The following CEMIP variants were observed in gnomAD, a reference collection of about 807,000 sequenced individuals.
CEMIP encodes cell migration inducing hyaluronidase 1, also known as cell migration-inducing and hyaluronan-binding protein.
Under a neutral mutation model 156.9 loss-of-function variants are expected in CEMIP, and 105 were observed. The ratio of observed to expected loss-of-function variants is 0.67; its 90% CI spans 0.57 to 0.79. The LOEUF is 0.79. Ranked by LOEUF, CEMIP falls within the 30% of genes least tolerant of loss-of-function variation. The pLI, the probability that CEMIP is intolerant of heterozygous loss-of-function variation, is 0.00. For synonymous variants in CEMIP, 676 were observed against 668.4 expected, an observed-to-expected ratio of 1.01 and a Z score of -0.17; for missense variants, 1,457 against 1,769.4, an observed-to-expected ratio of 0.82 and a Z score of 3.17.
At chr15:80,899,084 G>T (rs1296851929) in intron 12 of CEMIP, among the ~76,000 whole-genome samples, 2 of 151,916 alleles carry the variant, frequency 1.3e-5, no homozygotes, top group Non-Finnish European at 2.9e-5. Flanking sequence ...GTAGTGGCGC[G>T]TGCCTGTAAT....
At chr15:80,919,158 T>C (rs537430204) in intron 14 of CEMIP, among the ~76,000 whole-genome samples, 55 of 152,292 alleles carry the variant, frequency 3.6e-4, no homozygotes, top group African/African-American at 1.3e-3. Flanking sequence ...AACCCAGGCG[T>C]TGCAAATGTG....
intron 5 of CEMIP, 71 bp downstream of exon 5, chr15:80,879,925 G>C: frequency 6.3e-7 from 1 of 1,586,398 alleles, no homozygotes; most frequent in Non-Finnish European, 8.6e-7. Context: ...CCAAGACAGA[G>C]AGAGAGGCAA....
intron 1 of CEMIP, among the ~76,000 whole-genome samples, chr15:80,857,277 C>A (rs1475920773): frequency 6.6e-6 from 1 of 152,244 alleles, no homozygotes; most frequent in African/African-American, 2.4e-5. Flanking sequence ...GACATTCCAG[C>A]CTGGCTTCCA....
intron 1 of CEMIP, among the ~76,000 whole-genome samples, chr15:80,801,065 C>A (rs755099036): frequency 6.6e-6 from 1 of 152,250 alleles, no homozygotes; most frequent in Non-Finnish European, 1.5e-5. Flanking sequence ...ATGCTGCTTT[C>A]TCTGCTCAAT....
chr15:80,900,626 G>GTC lies in CEMIP; in HGVS notation c.1411+4567_1411+4568insCT, dbSNP rs1567090849. 7.2e-4 allele frequency among the ~76,000 whole-genome samples: 94 copies of GTC among 130,052 alleles called. 1 individual carries two copies. Among genetic ancestry groups the GTC allele is most frequent in the Non-Finnish European group, 1.1e-3 (64 of 57,334 alleles). The allele number at this position is 130,052 out of a possible 152,430, so 85.3% of individuals were successfully genotyped here. A position where few individuals can be genotyped will look rare whatever the true frequency, so the allele number is the denominator to read the frequency against. ...TGTGTGTGTGTGTGTGTGTGTGTGT[G>GTC]TGTGTGTGTGTGTGTGTGTGTGTCT... On this transcript the variant is annotated intron_variant, in intron 12 of 29. Transcript: ENST00000394685.
In CEMIP at chr15:80,873,941, C is replaced by A; in HGVS notation, c.62C>A (p.Thr21Asn). The change falls in exon 3 of 30, where the codon ACT (threonine) becomes AAT (asparagine). Residue 21 changes from threonine (T) to asparagine (N), a missense_variant. By Grantham distance (65) the Thr-to-Asn change is moderately conservative. Transcript: ENST00000394685. Reference protein sequence around the residue: ...FKAMLTISWLTLTCFPGATST... With the variant: ...FKAMLTISWLNLTCFPGATST... ...GCCATGCTGACCATCAGCTGGCTCA[C>A]TCTGACCTGCTTCCCTGGGGCCACA... 2.5e-6 allele frequency: 4 copies of A among 1,573,954 alleles called. No homozygotes were observed. The highest frequency in any genetic ancestry group is 3.5e-6 in the Non-Finnish European group (4 of 1,157,802).
At chr15:80,867,862 G>A (rs184065205) in intron 1 of CEMIP, among the ~76,000 whole-genome samples, 17 of 152,292 alleles carry the variant, frequency 1.1e-4, no homozygotes, top group African/African-American at 3.4e-4. Context: ...AGATGGAGGC[G>A]GTGGGGCAGG....
At chr15:80,855,542 A>G (rs1044579109) in intron 1 of CEMIP, among the ~76,000 whole-genome samples, 1 of 149,204 alleles carries the variant, frequency 6.7e-6, no homozygotes, top group Non-Finnish European at 1.5e-5. Context: ...ATGGAATCTC[A>G]CTGTTCCCAG....
At chr15:80,942,817 T>C in intron 27 of CEMIP, 128 bp from the exon 28 acceptor site, 8 of 1,078,140 alleles carry the variant, frequency 7.4e-6, no homozygotes, top group South Asian at 3.8e-5. Flanking sequence ...AAGTGGATAA[T>C]GGAGTTTACG....
intron 1 of CEMIP, among the ~76,000 whole-genome samples, chr15:80,814,604 C>A (rs993631316): frequency 6.6e-6 from 1 of 152,208 alleles, no homozygotes; most frequent in African/African-American, 2.4e-5. Context: ...CAGGGCAGAA[C>A]CTGTGGGTGC....
intron 1 of CEMIP, among the ~76,000 whole-genome samples, chr15:80,813,605 C>A (rs1896721349): frequency 6.6e-6 from 1 of 151,974 alleles, no homozygotes; most frequent in Non-Finnish European, 1.5e-5. Flanking sequence ...GTTGGCCTCC[C>A]AAAATGCTGG....
chr15:80,832,322 C>CTGTGTGTGTGTG (rs58855328), intron 1 of CEMIP, among the ~76,000 whole-genome samples: 8,524 of 127,854 alleles, frequency 0.067, 596 homozygotes, highest in African/African-American at 0.13. Context: ...AAAATAAACT[C>CTGTGTGTGTGTG]TGTGTGTGTG....
chr15:80,936,622 A>G, intron 23 of CEMIP, 52 bp from the exon 24 acceptor site: 1 of 1,493,798 alleles, frequency 6.7e-7, no homozygotes, highest in Non-Finnish European at 9.3e-7. Context: ...ACGCTCTTGG[A>G]ATAATCCTTC....
At chr15:80,848,926 A>ACACACACACACACC (rs374603705) in intron 1 of CEMIP, among the ~76,000 whole-genome samples, 43 of 131,158 alleles carry the variant, frequency 3.3e-4, no homozygotes, top group African/African-American at 1.2e-3. Flanking sequence ...ACACACACAC[A>ACACACACACACACC]CCCTGGCTTC....
At chr15:80,797,273 A>G (rs1346754011) in intron 1 of CEMIP, among the ~76,000 whole-genome samples, 1 of 152,202 alleles carries the variant, frequency 6.6e-6, no homozygotes, top group Non-Finnish European at 1.5e-5. Flanking sequence ...ATCTGGGATC[A>G]TGATATCTTT....
chr15:80,920,264 C>A lies in CEMIP; in HGVS notation c.1968C>A (p.Tyr656Ter). 6.2e-7 allele frequency: 1 copy of A among 1,614,178 alleles called. No homozygotes were observed. The highest frequency in any genetic ancestry group is 8.5e-7 in the Non-Finnish European group (1 of 1,180,026). ...GCAAGATGATCACAGAGGACTCCTA[C>A]CCGGGGTACATCCCCAAGCCCAGGC... Reference protein sequence around the residue: ...KMCKMITEDSYPGYIPKPRQD... With the variant: ...KMCKMITEDS The change falls in exon 15 of 30, where the codon TAC becomes TAA. Residue 656 changes from tyrosine (Y) to a stop codon, truncating the protein, a stop_gained. Coordinates refer to ENST00000394685, the MANE Select transcript of CEMIP (RefSeq NM_001293298.2). LOFTEE classifies it high-confidence loss of function.
chr15:80,938,535 G>A (rs1901222683), intron 25 of CEMIP, among the ~76,000 whole-genome samples: 1 of 152,192 alleles, frequency 6.6e-6, no homozygotes, highest in Admixed American at 6.5e-5. Context: ...AACCTGGGAG[G>A]CGGAGGTTGC....
intron 1 of CEMIP, among the ~76,000 whole-genome samples, chr15:80,779,838 TTC>T (rs1276723855): frequency 6.6e-6 from 1 of 152,220 alleles, no homozygotes; most frequent in Non-Finnish European, 1.5e-5. Flanking sequence ...TCTGTGGGAT[TTC>T]TCTGAGATCT....
At chr15:80,946,452 AG>A (rs1901556316) in intron 28 of CEMIP, 1 of 167,270 alleles carries the variant, frequency 6.0e-6, no homozygotes, top group Admixed American at 5.7e-5. Context: ...TTCAGGATCT[AG>A]AACCTTCAGG....
Sources: gnomAD v4.1 joint callset for allele counts (sites outside exome capture counted in the v4.1 genomes callset) on GRCh38, gnomAD v4.1.1 for gene constraint, MANE v1.5 for transcripts, NCBI Gene and HGNC (gene_info 2026-07-23, HGNC 2026-07-21) for gene names.